ITGA9: variants seen among roughly 807,000 people sequenced by gnomAD.
ITGA9 encodes the protein integrin alpha-9.
Under a neutral mutation model 127.8 loss-of-function variants are expected in ITGA9, and 56 were observed. That is an observed-to-expected ratio of 0.44 (90% CI 0.35 to 0.55). The LOEUF (loss-of-function observed/expected upper bound fraction) is 0.55, where lower values mean the gene tolerates loss of function less well. Ranked by LOEUF, ITGA9 falls within the 20% of genes least tolerant of loss-of-function variation. The pLI is 0.00. For missense variants in ITGA9, 1,196 were observed against 1,347.1 expected (o/e 0.89, Z 1.76); for synonymous variants, 508 against 514.5 (o/e 0.99, Z 0.17).
At chr3:37,616,016 G>A (rs1443438022) in intron 15 of ITGA9, among the ~76,000 whole-genome samples, 1 of 149,990 alleles carries the variant, frequency 6.7e-6, no homozygotes, top group Non-Finnish European at 1.5e-5. Context: ...GCTTTTGAAT[G>A]TGTTTGCTCT....
chr3:37,485,576 C>T (rs753402754), intron 4 of ITGA9, among the ~76,000 whole-genome samples: 21 of 152,102 alleles, frequency 1.4e-4, no homozygotes, highest in Non-Finnish European at 2.5e-4. Context: ...ATAACTGTGG[C>T]CTCATGGTAA....
intron 17 of ITGA9, among the ~76,000 whole-genome samples, chr3:37,664,850 G>A (rs979060842): frequency 6.6e-6 from 1 of 152,042 alleles, no homozygotes; most frequent in South Asian, 2.1e-4. Flanking sequence ...AAGGTGAATA[G>A]GAACTCATCA....
At chr3:37,684,820 A>G (rs1400299684) in intron 18 of ITGA9, among the ~76,000 whole-genome samples, 1 of 152,154 alleles carries the variant, frequency 6.6e-6, no homozygotes, top group Non-Finnish European at 1.5e-5. Context: ...CCACAAATTG[A>G]GTGAGTTTTT....
chr3:37,461,744 CCT>C (rs1169023055), intron 1 of ITGA9, among the ~76,000 whole-genome samples: 6 of 152,024 alleles, frequency 3.9e-5, no homozygotes, highest in African/African-American at 1.5e-4. Context: ...TCATTTACAC[CCT>C]GTCTGCTTCC....
intron 18 of ITGA9, among the ~76,000 whole-genome samples, chr3:37,687,325 A>G (rs1700791367): frequency 1.3e-5 from 2 of 152,200 alleles, no homozygotes. Flanking sequence ...TGATTTAATG[A>G]TGCGGAGGTG....
chr3:37,507,770 G>A (rs1698860601), intron 7 of ITGA9, among the ~76,000 whole-genome samples: 1 of 152,106 alleles, frequency 6.6e-6, no homozygotes, highest in Admixed American at 6.5e-5. Context: ...GATTTTGCTG[G>A]ATATTCTAGT....
At chr3:37,611,077 T>C (rs1700011516) in intron 15 of ITGA9, among the ~76,000 whole-genome samples, 1 of 152,172 alleles carries the variant, frequency 6.6e-6, no homozygotes, top group South Asian at 2.1e-4. Context: ...AAAATGTTTA[T>C]ACATGTATAT....
At position 37,777,518 on chromosome 3, in the gene ITGA9, G is replaced by C; in HGVS notation, c.2667+1G>C. 1 of 1,614,120 alleles carries C rather than the reference G, an allele frequency of 6.2e-7. No homozygotes were observed. On this transcript the variant is annotated splice_donor_variant, in intron 24 of 27. Coordinates refer to ENST00000264741, the MANE Select transcript of ITGA9 (RefSeq NM_002207.3). LOFTEE classifies it high-confidence loss of function. ...CACAAAGTCTGGAAGAAAAGTCTTG[G>C]TAAGGATTTGTTTAGTGGTTGGGGT...
At chr3:37,803,977 C>G in intron 27 of ITGA9, 35 bp downstream of exon 27, 1 of 1,613,740 alleles carries the variant, frequency 6.2e-7, no homozygotes, top group Non-Finnish European at 8.5e-7. Context: ...CCTGGGGTCC[C>G]CACTCATAGA....
At chr3:37,566,212 G>C (rs1356564051) in intron 15 of ITGA9, among the ~76,000 whole-genome samples, 1 of 152,196 alleles carries the variant, frequency 6.6e-6, no homozygotes, top group African/African-American at 2.4e-5. Flanking sequence ...TGAAACTGTG[G>C]GTAGTCCTGA....
chr3:37,773,160 T>A (rs1484414471), intron 23 of ITGA9, among the ~76,000 whole-genome samples: 1 of 152,214 alleles, frequency 6.6e-6, no homozygotes, highest in African/African-American at 2.4e-5. Flanking sequence ...TTCCTCTCCC[T>A]GCCTAGAAAC....
At chr3:37,724,511 T>A (rs1314696736) in intron 18 of ITGA9, among the ~76,000 whole-genome samples, 1 of 152,196 alleles carries the variant, frequency 6.6e-6, no homozygotes, top group South Asian at 2.1e-4. Context: ...TCCTTTTTTT[T>A]TGAGACAGAG....
At position 37,466,483 on chromosome 3, in the gene ITGA9, C is replaced by CAAAAAAAAAAAAAAAAAA. The variant is rs60980366; in HGVS notation, c.186-4511_186-4494dup. Among the ~76,000 whole-genome samples, 11 of 26,064 alleles carry CAAAAAAAAAAAAAAAAAA rather than the reference C, an allele frequency of 4.2e-4. 3 individuals carry two copies. The highest frequency in any genetic ancestry group is 6.5e-4 in the Non-Finnish European group (11 of 16,990). The allele number at this position is 26,064 out of a possible 152,430, so 17.1% of individuals were successfully genotyped here. ...TGGGTAACAGAGCAAGACACCATCT[C>CAAAAAAAAAAAAAAAAAA]AAAAAAAAAAAAAAAAAAAAAAAAA... is the stretch of plus-strand genomic sequence containing the variant. On this transcript the variant is annotated intron_variant, in intron 1 of 27. Coordinates refer to ENST00000264741, the MANE Select transcript of ITGA9 (RefSeq NM_002207.3).
At chr3:37,692,220 C>T (rs1410354335) in intron 18 of ITGA9, among the ~76,000 whole-genome samples, 2 of 152,176 alleles carry the variant, frequency 1.3e-5, no homozygotes, top group African/African-American at 4.8e-5. Flanking sequence ...TGAGCTTATA[C>T]TTTATAGCTC....
At chr3:37,748,437 G>A in intron 22 of ITGA9, 1 of 590,002 alleles carries the variant, frequency 1.7e-6, no homozygotes, top group Non-Finnish European at 3.2e-6. Flanking sequence ...TGAAACACGT[G>A]AAGGAAAATG....
Position 37,562,941 on chromosome 3 carries a change from A to G in ITGA9, c.1689+20356A>G, listed in dbSNP as rs1202375783. On this transcript the variant is annotated intron_variant, in intron 15 of 27. Coordinates refer to ENST00000264741, the MANE Select transcript of ITGA9 (RefSeq NM_002207.3). ...GGTTTGGGATAATTTTATTAATGATAAAACCATAAAGAACTCAGAAAATAT... is the reference window on the plus strand; with the variant it reads ...GGTTTGGGATAATTTTATTAATGATGAAACCATAAAGAACTCAGAAAATAT... Among the ~76,000 whole-genome samples, 2 of 151,356 alleles carry G rather than the reference A, an allele frequency of 1.3e-5. 1 individual carries two copies. Among genetic ancestry groups the G allele is most frequent in the Non-Finnish European group, 2.9e-5 (2 of 67,918 alleles).
At chr3:37,524,657 G>T in intron 12 of ITGA9, among the ~76,000 whole-genome samples, 1 of 152,208 alleles carries the variant, frequency 6.6e-6, no homozygotes, top group East Asian at 1.9e-4. Context: ...CATGCAATGT[G>T]CATCTCGCAG....
chr3:37,797,868 AGAGACGGGGTTTC>A (rs1697192188), intron 26 of ITGA9, among the ~76,000 whole-genome samples: 2 of 151,088 alleles, frequency 1.3e-5, no homozygotes, highest in Non-Finnish European at 2.9e-5. Context: ...TAATTTTTGT[AGAGACGGGGTTTC>A]GCCATGTTGG....
chr3:37,593,287 T>C (rs927035309), intron 15 of ITGA9, among the ~76,000 whole-genome samples: 1 of 152,262 alleles, frequency 6.6e-6, no homozygotes, highest in African/African-American at 2.4e-5. Context: ...GTTGTTATAC[T>C]GTATTTTGGG....
Sources: allele counts gnomAD v4.1 joint callset (sites outside exome capture counted in the v4.1 genomes callset), GRCh38; gene constraint gnomAD v4.1.1; transcripts MANE v1.5; gene names NCBI Gene and HGNC (gene_info 2026-07-23, HGNC 2026-07-21).